CDK19: variants seen among roughly 807,000 people sequenced by gnomAD.
The protein encoded by CDK19 is cyclin-dependent kinase 19.
In CDK19, 20 loss-of-function variants were observed where a neutral mutation model predicts 68.3. The observed-to-expected ratio is 0.29, with a 90% CI of 0.21 to 0.43. CDK19 has a LOEUF of 0.43. Among genes scored for constraint, CDK19 ranks in the 20% least tolerant of loss-of-function variants. CDK19 has a pLI of 1.00. For missense variants in CDK19, 339 were observed against 623.5 expected (o/e 0.54, Z 4.86); for synonymous variants, 221 against 222.8 (o/e 0.99, Z 0.07).
chr6:110,729,815 G>C (rs1016348096), intron 2 of CDK19, among the ~76,000 whole-genome samples: 1 of 151,912 alleles, frequency 6.6e-6, no homozygotes, highest in African/African-American at 2.4e-5. Context: ...CACAAATGTA[G>C]CACACTGCAG....
intron 2 of CDK19, among the ~76,000 whole-genome samples, chr6:110,704,712 G>A (rs1774291734): frequency 6.6e-6 from 1 of 152,116 alleles, no homozygotes; most frequent in South Asian, 2.1e-4. Flanking sequence ...ATATAACCCA[G>A]AAGTCAAAAG....
At chr6:110,663,448 A>T (rs1486637271) in intron 4 of CDK19, among the ~76,000 whole-genome samples, 1 of 152,260 alleles carries the variant, frequency 6.6e-6, no homozygotes, top group African/African-American at 2.4e-5. Flanking sequence ...AAACCATGAC[A>T]ATATGGCACA....
chr6:110,676,747 CTT>C (rs903422879), intron 2 of CDK19, among the ~76,000 whole-genome samples: 3 of 152,134 alleles, frequency 2.0e-5, no homozygotes, highest in African/African-American at 7.2e-5. Flanking sequence ...CTACTGGACA[CTT>C]ATAGCAGTGT....
intron 4 of CDK19, among the ~76,000 whole-genome samples, chr6:110,660,781 G>A (rs1395058048): frequency 6.6e-6 from 1 of 152,208 alleles, no homozygotes; most frequent in African/African-American, 2.4e-5. Context: ...GGCTGAGCCT[G>A]AGGTTTTTAT....
At chr6:110,783,181 T>A (rs1780942533) in intron 1 of CDK19, among the ~76,000 whole-genome samples, 1 of 152,142 alleles carries the variant, frequency 6.6e-6, no homozygotes, top group Admixed American at 6.6e-5. Context: ...GGCAGCACAA[T>A]GCAGAGTACT....
At chr6:110,718,537 G>C (rs750940540) in intron 2 of CDK19, among the ~76,000 whole-genome samples, 1 of 150,874 alleles carries the variant, frequency 6.6e-6, no homozygotes, top group Non-Finnish European at 1.5e-5. Flanking sequence ...ATCACACACA[G>C]AGAGAAAAAT....
intron 4 of CDK19, among the ~76,000 whole-genome samples, chr6:110,643,777 A>G (rs1780356998): frequency 6.6e-6 from 1 of 152,270 alleles, no homozygotes; most frequent in African/African-American, 2.4e-5. Context: ...ACCGCATTAA[A>G]GAAATTGGAA....
chr6:110,787,710 G>A (rs576717604), intron 1 of CDK19, among the ~76,000 whole-genome samples: 10 of 152,242 alleles, frequency 6.6e-5, no homozygotes, highest in African/African-American at 2.4e-4. Flanking sequence ...CCAAAGTGCT[G>A]GGATTTATAG....
At chr6:110,622,758 C>T (rs1442182745) in intron 10 of CDK19, 57 bp downstream of exon 10, 2 of 1,108,642 alleles carry the variant, frequency 1.8e-6, no homozygotes, top group Non-Finnish European at 2.8e-6. Context: ...TTGCTTTCAA[C>T]CACCATGCAG....
rs372810072 is a variant in CDK19 at position 110,623,908 on chromosome 6, T to C, written c.861-546A>G. The stretch of plus-strand genomic sequence containing the variant: ...ATATATATGTGTGTGTATATATATA[T>C]ACGTATATATATATACGTGTATATA... On this transcript the variant is annotated intron_variant, in intron 8 of 12. Coordinates refer to ENST00000368911, the MANE Select transcript of CDK19 (RefSeq NM_015076.5). Among the ~76,000 whole-genome samples the C allele has an allele frequency of 1.7e-4, 23 of 132,714 alleles. 1 individual carries two copies. The highest frequency in any genetic ancestry group is 6.9e-4 in the East Asian group (3 of 4,336). The allele number at this position is 132,714 out of a possible 152,430, so 87.1% of individuals were successfully genotyped here. A position where few individuals can be genotyped will look rare whatever the true frequency, so the allele number is the denominator to read the frequency against.
intron 1 of CDK19, among the ~76,000 whole-genome samples, chr6:110,772,263 T>A (rs187679306): frequency 3.7e-4 from 56 of 152,218 alleles, no homozygotes; most frequent in African/African-American, 1.3e-3. Context: ...AGGCACTTCT[T>A]ACATGGCGGC....
At chr6:110,778,235 T>A (rs1185304671) in intron 1 of CDK19, among the ~76,000 whole-genome samples, 1 of 152,274 alleles carries the variant, frequency 6.6e-6, no homozygotes, top group South Asian at 2.1e-4. Flanking sequence ...TTATTTCATC[T>A]CCCAAAAAAC....
intron 2 of CDK19, among the ~76,000 whole-genome samples, chr6:110,707,142 A>T (rs149658879): frequency 7.9e-5 from 12 of 151,976 alleles, no homozygotes; most frequent in African/African-American, 1.7e-4. Flanking sequence ...ACAATCTTTT[A>T]GTAGAGACGA....
At chr6:110,803,401 T>C (rs1172579608) in intron 1 of CDK19, among the ~76,000 whole-genome samples, 3 of 150,426 alleles carry the variant, frequency 2.0e-5, no homozygotes, top group South Asian at 2.2e-4. Flanking sequence ...TTTCATTTTA[T>C]ATACAACTAT....
intron 1 of CDK19, among the ~76,000 whole-genome samples, chr6:110,749,611 C>T (rs112514818): frequency 0.047 from 7,185 of 151,818 alleles, 179 homozygotes; most frequent in Middle Eastern, 0.079. Flanking sequence ...CCGCCCACCT[C>T]AGCCTCCCAA....
intron 2 of CDK19, among the ~76,000 whole-genome samples, chr6:110,702,079 T>C (rs1562212344): frequency 6.6e-6 from 1 of 151,922 alleles, no homozygotes; most frequent in Non-Finnish European, 1.5e-5. Context: ...AGGTGGAGGT[T>C]GCAGTGAGCC....
chr6:110,767,878 A>G (rs920292053), intron 1 of CDK19, among the ~76,000 whole-genome samples: 9 of 152,172 alleles, frequency 5.9e-5, no homozygotes, highest in Non-Finnish European at 5.9e-5. Context: ...TTTGTGAAAG[A>G]TATTTTCAAG....
At position 110,627,051 on chromosome 6, in the gene CDK19, A is replaced by G. The variant is rs1029415349; in HGVS notation, c.741T>C (p.Phe247=). Residue 247 remains phenylalanine, a synonymous_variant, in exon 7 of 13, where the codon TTT becomes TTC. Transcript: ENST00000368911. ...ATATCCGATCCAGTTGATCATGATG[A>G]AAGGGATTGCTTGTTTTTATATCTT... is the stretch of plus-strand genomic sequence containing the variant. The part of the protein sequence containing the change: ...RQEDIKTSNP[F]HHDQLDRIFS... 3.7e-6 allele frequency: 6 copies of G among 1,613,264 alleles called. No homozygotes were observed. In the South Asian group the frequency reaches 6.6e-5, roughly 18 times the overall value.
In CDK19 at chr6:110,787,373, A is replaced by AAAAC. The variant is rs531088286; in HGVS notation, c.128+27632_128+27635dup. On this transcript the variant is annotated intron_variant, in intron 1 of 12. Transcript: ENST00000368911. ...TGGGTGACAGAGCAAGGCTCTGTCT[A>AAAAC]AAACAAACAAACAAACAAAGACCTA... Among the ~76,000 whole-genome samples, 88 of 79,478 alleles carry AAAAC rather than the reference A, an allele frequency of 1.1e-3. No homozygotes were observed. In the East Asian group the frequency reaches 0.028, roughly 26 times the overall value. 52.1% of individuals were successfully genotyped at this position (79,478 alleles called of 152,430 possible). A position where few individuals can be genotyped will look rare whatever the true frequency, so the allele number is the denominator to read the frequency against.
Sources: gnomAD v4.1 joint callset for allele counts (sites outside exome capture counted in the v4.1 genomes callset) on GRCh38, gnomAD v4.1.1 for gene constraint, MANE v1.5 for transcripts, NCBI Gene and HGNC (gene_info 2026-07-23, HGNC 2026-07-21) for gene names.